Variants in DMD observed in about 807,000 individuals in gnomAD.
The protein encoded by DMD is dystrophin.
Under a neutral mutation model 330.1 loss-of-function variants are expected in DMD, and 63 were observed. The observed-to-expected ratio is 0.19, with a 90% confidence interval of 0.16 to 0.24. DMD has a LOEUF of 0.24. DMD is among the 10% of genes least tolerant of loss of function. The probability of loss-of-function intolerance (pLI) is 1.00; values close to 1 mark genes in which losing one functional copy is unlikely to be tolerated. For missense variants in DMD, 3,344 were observed against 2,684.1 expected, an observed-to-expected ratio of 1.25 and a Z score of -5.43; for synonymous variants, 1,223 against 959.8, an observed-to-expected ratio of 1.27 and a Z score of -5.07.
intron 60 of DMD, among the ~76,000 whole-genome samples, chrX:31,421,494 T>G (rs1426173492): frequency 8.9e-6 from 1 of 111,904 alleles, no homozygotes; most frequent in African/African-American, 3.2e-5. Context: ...TTTCTATCAA[T>G]TATTATATGC....
rs749764730 is a variant in DMD at position 32,789,470 on chromosome X, A to G, written c.649+20023T>C. Among the ~76,000 whole-genome samples, 7 of 112,262 alleles carry G rather than the reference A, an allele frequency of 6.2e-5. No homozygotes were observed. In the South Asian group the frequency reaches 2.6e-3, roughly 41 times the overall value. ...GGATACTCTCACTTACTGAGCTTCT[A>G]AAAATTGCTGATGTCACAGCCCGTC... On this transcript the variant is annotated intron_variant, in intron 7 of 78. Coordinates refer to ENST00000357033, the MANE Select transcript of DMD (RefSeq NM_004006.3).
chrX:32,205,832 C>T (rs780321113), intron 44 of DMD: 1 of 258,162 alleles, frequency 3.9e-6, no homozygotes, highest in South Asian at 5.1e-5. Context: ...CAGCTGTTCT[C>T]TTGAGCAGTG....
At chrX:32,921,025 C>G (rs1431544994) in intron 2 of DMD, among the ~76,000 whole-genome samples, 1 of 111,662 alleles carries the variant, frequency 9.0e-6, no homozygotes, top group Non-Finnish European at 1.9e-5. Context: ...TTGCAAATTC[C>G]CTGGGATGGA....
At chrX:32,761,478 A>T in intron 7 of DMD, among the ~76,000 whole-genome samples, 1 of 112,312 alleles carries the variant, frequency 8.9e-6, no homozygotes, top group Non-Finnish European at 1.9e-5. Context: ...TAACTTATAC[A>T]CACACATACA....
intron 7 of DMD, among the ~76,000 whole-genome samples, chrX:32,763,766 C>T (rs1039621367): frequency 1.8e-5 from 2 of 111,416 alleles, no homozygotes; most frequent in Non-Finnish European, 3.8e-5. Flanking sequence ...AAAGCAGTAG[C>T]GATAAAAACA....
At chrX:32,459,521 A>G (rs1255699192) in intron 25 of DMD, among the ~76,000 whole-genome samples, 1 of 111,122 alleles carries the variant, frequency 9.0e-6, no homozygotes, top group African/African-American at 3.3e-5. Context: ...TGAAAAGTGT[A>G]CTTGACTTCC....
chrX:32,158,073 G>A (rs1189400085), intron 44 of DMD, among the ~76,000 whole-genome samples: 2 of 112,027 alleles, frequency 1.8e-5, no homozygotes, highest in Non-Finnish European at 3.8e-5. Flanking sequence ...GGTTTGTGGA[G>A]GCAGAAGACT....
At chrX:32,388,341 C>CT (rs3044988) in intron 32 of DMD, among the ~76,000 whole-genome samples, 87 of 78,532 alleles carry the variant, frequency 1.1e-3, no homozygotes, top group South Asian at 3.0e-3. Flanking sequence ...TTATGCTTTC[C>CT]TTTTTTTTTT....
intron 43 of DMD, among the ~76,000 whole-genome samples, chrX:32,265,290 A>G (rs1285491074): frequency 8.9e-6 from 1 of 112,843 alleles, no homozygotes; most frequent in Non-Finnish European, 1.9e-5. Flanking sequence ...GCAAGCCCCA[A>G]GATTTGGCAG....
intron 7 of DMD, among the ~76,000 whole-genome samples, chrX:32,765,729 T>C (rs1278384049): frequency 9.0e-6 from 1 of 111,690 alleles, no homozygotes; most frequent in Non-Finnish European, 1.9e-5. Context: ...ATTTACCTAA[T>C]TTTTCTGTTG....
chrX:32,164,876 G>A (rs760116219), intron 44 of DMD, among the ~76,000 whole-genome samples: 5 of 111,696 alleles, frequency 4.5e-5, no homozygotes, highest in African/African-American at 1.6e-4. Flanking sequence ...GATAAAAGGG[G>A]CCAAGGTACA....
intron 7 of DMD, among the ~76,000 whole-genome samples, chrX:32,782,503 A>G: frequency 9.0e-6 from 1 of 111,387 alleles, no homozygotes; most frequent in Non-Finnish European, 1.9e-5. Flanking sequence ...TGTGTGTAAA[A>G]GAGAATTAAG....
Position 33,033,650 on chromosome X carries a change from G to A in DMD, c.32-13450C>T, listed in dbSNP as rs779033661. 5.5e-5 allele frequency among the ~76,000 whole-genome samples: 6 copies of A among 109,399 alleles called. No individual in the cohort carries two copies. In the South Asian group the frequency reaches 1.6e-3, roughly 29 times the overall value. 95.0% of individuals were successfully genotyped at this position (109,399 alleles called of 115,157 possible). On this transcript the variant is annotated intron_variant, in intron 1 of 78. Coordinates refer to ENST00000357033, the MANE Select transcript of DMD (RefSeq NM_004006.3). ...AGGAGAATGGCTGAACCCGGGAGGC[G>A]GAGCTTGCAGTGAGCCGAGATCGCG... is the stretch of plus-strand genomic sequence containing the variant.
chrX:32,324,899 G>A (rs1157534568), intron 41 of DMD, among the ~76,000 whole-genome samples: 1 of 111,352 alleles, frequency 9.0e-6, no homozygotes, highest in African/African-American at 3.3e-5. Context: ...GCATCAAAAA[G>A]AAAGATTTGA....
intron 39 of DMD, among the ~76,000 whole-genome samples, chrX:32,343,519 C>T (rs1322367419): frequency 8.9e-6 from 1 of 111,802 alleles, no homozygotes; most frequent in Non-Finnish European, 1.9e-5. Flanking sequence ...TTTCTCTTAG[C>T]ATGTTCAAAC....
In DMD at chrX:32,823,404, T is replaced by C. The variant is rs1459995079; in HGVS notation, c.265-17A>G. On this transcript the variant is annotated splice_polypyrimidine_tract_variant and intron_variant, in intron 4 of 78. Transcript: ENST00000357033. ...TAAATCAACCTGTTAAAGAAAGGGG[T>C]AAAACATTTGAAGGTAAGAGACCAA... 8.0e-6 allele frequency: 9 copies of C among 1,118,584 alleles called. No homozygotes were observed. In the East Asian group the frequency reaches 2.4e-4, roughly 30 times the overall value. The allele number at this position is 1,118,584 out of a possible 1,213,427, so 92.2% of individuals were successfully genotyped here.
At chrX:33,010,564 C>A (rs1048053429) in intron 2 of DMD, among the ~76,000 whole-genome samples, 19 of 110,152 alleles carry the variant, frequency 1.7e-4, no homozygotes, top group African/African-American at 6.3e-4. Flanking sequence ...TGCAAATATT[C>A]CAAACGAAAA....
At position 32,680,103 on chromosome X, in the gene DMD, G is replaced by C. The variant is rs777499157; in HGVS notation, c.960+17767C>G. 4.7e-5 allele frequency among the ~76,000 whole-genome samples: 5 copies of C among 106,385 alleles called. No homozygotes were observed. The South Asian group carries it at 2.2e-3, about 46-fold the overall frequency. 92.4% of individuals were successfully genotyped at this position (106,385 alleles called of 115,157 possible). A position where few individuals can be genotyped will look rare whatever the true frequency, so the allele number is the denominator to read the frequency against. ...TGATTTTTGTATTTTTACTTGAGAC[G>C]GGGCTTCACCATGTTGGTCAGGCTG... is the stretch of plus-strand genomic sequence containing the variant. On this transcript the variant is annotated intron_variant, in intron 9 of 78. Coordinates refer to ENST00000357033, the MANE Select transcript of DMD (RefSeq NM_004006.3).
intron 60 of DMD, among the ~76,000 whole-genome samples, chrX:31,353,683 T>C (rs906603064): frequency 9.0e-6 from 1 of 111,653 alleles, no homozygotes. Context: ...ATTTGGAACA[T>C]AATGAATTTG....
Sources: gnomAD v4.1 joint callset for allele counts (sites outside exome capture counted in the v4.1 genomes callset) on GRCh38, gnomAD v4.1.1 for gene constraint, MANE v1.5 for transcripts, NCBI Gene and HGNC (gene_info 2026-07-23, HGNC 2026-07-21) for gene names.